Variants in TRIM54 observed in about 807,000 individuals in gnomAD.
TRIM54 encodes tripartite motif containing 54.
In TRIM54, 40 loss-of-function variants were observed where a neutral mutation model predicts 42.0. The ratio of observed to expected loss-of-function variants is 0.95; its 90% confidence interval spans 0.74 to 1.24. The LOEUF is 1.24. Ranked by LOEUF, TRIM54 falls within the 50% of genes most tolerant of loss-of-function variation. The pLI, the probability that TRIM54 is intolerant of heterozygous loss-of-function variation, is 0.00. For synonymous variants in TRIM54, 199 were observed against 194.9 expected (o/e 1.02, Z -0.17); for missense variants, 485 against 480.3 (o/e 1.01, Z -0.09).
rs1257922752 is a variant in TRIM54, at chr2:27,306,854, A to C, written c.*2-33A>C. 6.8e-6 allele frequency: 3 copies of C among 438,130 alleles called. No homozygotes were observed. The highest frequency in any genetic ancestry group is 2.0e-5 in the African/African-American group (1 of 49,516). 27.1% of individuals were successfully genotyped at this position (438,130 alleles called of 1,614,324 possible). A position where few individuals can be genotyped will look rare whatever the true frequency, so the allele number is the denominator to read the frequency against. ...TCGAGCTGCCTCGTGCCTTCGCAGCACCCGCCCACCGAGCCTTCTTTCCCG... is the reference window on the plus strand; with the variant it reads ...TCGAGCTGCCTCGTGCCTTCGCAGCCCCCGCCCACCGAGCCTTCTTTCCCG... On this transcript the variant is annotated intron_variant, in intron 8 of 8. Coordinates refer to ENST00000380075, the MANE Select transcript of TRIM54 (RefSeq NM_187841.3). This position sits in a 1 kb window ranked among gnomAD's most constrained non-coding sequence, Gnocchi z 6.1.
At chr2:27,301,241 G>A (rs544457610) in intron 3 of TRIM54, among the ~76,000 whole-genome samples, 1 of 150,460 alleles carries the variant, frequency 6.6e-6, no homozygotes, top group Non-Finnish European at 1.5e-5. Flanking sequence ...CCAGATTCAA[G>A]CGATTCTCCT....
chr2:27,296,432 G>A (rs1475718334), intron 1 of TRIM54, among the ~76,000 whole-genome samples: 1 of 152,194 alleles, frequency 6.6e-6, no homozygotes, highest in Non-Finnish European at 1.5e-5. Context: ...AATAACAGTG[G>A]CTTAAAGAGG....
chr2:27,303,681 GC>G (rs2148203587), intron 3 of TRIM54, among the ~76,000 whole-genome samples: 1 of 152,220 alleles, frequency 6.6e-6, no homozygotes, highest in East Asian at 1.9e-4. Flanking sequence ...CACAATTTAG[GC>G]CCGTAGGTAT....
chr2:27,289,408 C>T (rs1350920725), intron 1 of TRIM54, among the ~76,000 whole-genome samples: 2 of 152,094 alleles, frequency 1.3e-5, no homozygotes, highest in East Asian at 1.9e-4. Flanking sequence ...CCTCTGCCTC[C>T]CGGGTTCAAG....
At chr2:27,292,532 C>CA (rs1158733703) in intron 1 of TRIM54, among the ~76,000 whole-genome samples, 4 of 152,140 alleles carry the variant, frequency 2.6e-5, no homozygotes, top group African/African-American at 7.2e-5. Context: ...GATCTTGTCT[C>CA]AAAAAATTTT....
chr2:27,296,676 A>G (rs1678877274), intron 1 of TRIM54, among the ~76,000 whole-genome samples: 1 of 152,194 alleles, frequency 6.6e-6, no homozygotes, highest in African/African-American at 2.4e-5. Flanking sequence ...TTTCCTACAA[A>G]TTACACAAAA....
At chr2:27,289,903 G>A (rs1021746220) in intron 1 of TRIM54, among the ~76,000 whole-genome samples, 5 of 118,804 alleles carry the variant, frequency 4.2e-5, no homozygotes, top group Middle Eastern at 8.1e-3. Flanking sequence ...ACAGAGTCTC[G>A]CTCAGTAGCC....
chr2:27,300,316 C>T (rs1678994918), intron 3 of TRIM54, among the ~76,000 whole-genome samples: 1 of 151,914 alleles, frequency 6.6e-6, no homozygotes, highest in Non-Finnish European at 1.5e-5. Flanking sequence ...GGATTATAGG[C>T]GCCTACCACC....
chr2:27,296,307 A>G (rs1363778326), intron 1 of TRIM54, among the ~76,000 whole-genome samples: 4 of 152,194 alleles, frequency 2.6e-5, no homozygotes, highest in Non-Finnish European at 5.9e-5. Context: ...CAGTTGTAGG[A>G]AGTGCATCTC....
Position 27,305,812 on chromosome 2 carries a change from C to A in TRIM54, c.838C>A (p.Leu280Ile). ...GGAAGAGCCACAAATGGCGCTGTAT[C>A]TCCAGGTGGGCTCTAGGGGAGGGTG... ...SMEEPQMALY[L>I]QQAKELINKV... Residue 280 changes from leucine (L) to isoleucine (I), a missense_variant, in exon 5 of 9, where the codon CTC (leucine) becomes ATC (isoleucine). Coordinates refer to ENST00000380075, the MANE Select transcript of TRIM54 (RefSeq NM_187841.3). The A allele has an allele frequency of 6.3e-7, 1 of 1,597,480 alleles. No individual in the cohort carries two copies. Among genetic ancestry groups the A allele is most frequent in the South Asian group, 1.1e-5 (1 of 88,458 alleles).
intron 2 of TRIM54, 69 bp downstream of exon 2, chr2:27,298,808 C>A: frequency 6.6e-7 from 1 of 1,515,526 alleles, no homozygotes; most frequent in South Asian, 1.2e-5. Flanking sequence ...CCCATCAGAG[C>A]CAAAAGGGAG....
At position 27,297,286 on chromosome 2, in the gene TRIM54, A is replaced by G. The variant is rs1041099197; in HGVS notation, c.169-1281A>G. Among the ~76,000 whole-genome samples the G allele has an allele frequency of 4.6e-5, 7 of 152,202 alleles. No individual in the cohort carries two copies. The South Asian group carries it at 6.2e-4, about 14-fold the overall frequency. The stretch of plus-strand genomic sequence containing the variant: ...TTAGCCCAATTCCACAGGTCTATTC[A>G]ATTCCTAAGCAGAACATGGCGTAGC... On this transcript the variant is annotated intron_variant, in intron 1 of 8. Transcript: ENST00000380075.
chr2:27,299,206 A>T, intron 2 of TRIM54, 39 bp from the exon 3 acceptor site: 1 of 1,608,808 alleles, frequency 6.2e-7, no homozygotes, highest in Non-Finnish European at 8.5e-7. Context: ...AGGACCCTTC[A>T]TGCTTAAGGT....
rs1487660998 is a variant in TRIM54, at chr2:27,283,774, A to ACGCG, written c.168+876_168+877insGCGC. On this transcript the variant is annotated intron_variant, in intron 1 of 8. Coordinates refer to ENST00000380075, the MANE Select transcript of TRIM54 (RefSeq NM_187841.3). ...GAGTGAGGGGCAAAGGCACACACACACACACGCGCGCACACACACACACAC... is the reference window on the plus strand; with the variant it reads ...GAGTGAGGGGCAAAGGCACACACACACGCGCACACGCGCGCACACACACACACAC... Among the ~76,000 whole-genome samples, 58 of 87,312 alleles carry ACGCG rather than the reference A, an allele frequency of 6.6e-4. 1 individual carries two copies. The highest frequency in any genetic ancestry group is 3.0e-3 in the African/African-American group (47 of 15,798). 57.3% of individuals were successfully genotyped at this position (87,312 alleles called of 152,430 possible). A position where few individuals can be genotyped will look rare whatever the true frequency, so the allele number is the denominator to read the frequency against.
intron 1 of TRIM54, among the ~76,000 whole-genome samples, chr2:27,283,784 G>GCGCGCGCGCGCACACACA (rs367621533): frequency 7.6e-6 from 1 of 132,168 alleles, no homozygotes; most frequent in African/African-American, 3.0e-5. Flanking sequence ...ACACACGCGC[G>GCGCGCGCGCGCACACACA]CACACACACA....
intron 3 of TRIM54, 168 bp downstream of exon 3, chr2:27,299,584 T>TAA: frequency 7.0e-7 from 1 of 1,423,592 alleles, no homozygotes; most frequent in Non-Finnish European, 9.5e-7. Context: ...AAACACAACT[T>TAA]ACTGCAGCCT....
Position 27,307,267 on chromosome 2 carries a change from G to T in TRIM54, c.*382G>T. 1.7e-6 allele frequency: 1 copy of T among 591,568 alleles called. No homozygotes were observed. The highest frequency in any genetic ancestry group is 2.9e-6 in the Non-Finnish European group (1 of 344,424). 36.6% of individuals were successfully genotyped at this position (591,568 alleles called of 1,614,324 possible). A position where few individuals can be genotyped will look rare whatever the true frequency, so the allele number is the denominator to read the frequency against. On this transcript the variant is annotated 3_prime_UTR_variant, in exon 9 of 9. Coordinates refer to ENST00000380075, the MANE Select transcript of TRIM54 (RefSeq NM_187841.3). The surrounding 1 kb of genome is among the most constrained non-coding windows in gnomAD (Gnocchi z 6.9). The stretch of plus-strand genomic sequence containing the variant: ...GACCCTTGGGGTCCACATGCACCTG[G>T]CTGACCTGGCTGAAAGCCGCTGTCT...
intron 3 of TRIM54, among the ~76,000 whole-genome samples, chr2:27,300,912 G>A (rs562066108): frequency 6.6e-6 from 1 of 152,188 alleles, no homozygotes; most frequent in East Asian, 1.9e-4. Context: ...TCACTGTGTT[G>A]CCCAGGCTTG....
At chr2:27,290,646 A>G (rs1014048042) in intron 1 of TRIM54, among the ~76,000 whole-genome samples, 3 of 152,166 alleles carry the variant, frequency 2.0e-5, no homozygotes, top group African/African-American at 7.2e-5. Context: ...ACTCCATCTA[A>G]AAATAAATAA....
Sources: allele counts gnomAD v4.1 joint callset (sites outside exome capture counted in the v4.1 genomes callset), GRCh38; gene constraint gnomAD v4.1.1; non-coding constraint Gnocchi (gnomAD v3.1); transcripts MANE v1.5; gene names NCBI Gene and HGNC (gene_info 2026-07-23, HGNC 2026-07-21).